Variants in FHIT observed in about 807,000 individuals in gnomAD.
FHIT encodes bis(5'-adenosyl)-triphosphatase.
A neutral mutation model predicts 17.9 loss-of-function variants in FHIT; 19 were observed. The ratio of observed to expected loss-of-function variants is 1.06; its 90% confidence interval spans 0.74 to 1.56. The LOEUF is 1.56. FHIT is among the 40% of genes most tolerant of loss of function. The probability of loss-of-function intolerance (pLI) is 0.00; values close to 1 mark genes in which losing one functional copy is unlikely to be tolerated. For synonymous variants in FHIT, 81 were observed against 69.7 expected (o/e 1.16, Z -0.81); for missense variants, 248 against 189.2 (o/e 1.31, Z -1.82).
chr3:61,093,091 T>C (rs1382613001), intron 2 of FHIT, among the ~76,000 whole-genome samples: 2 of 152,172 alleles, frequency 1.3e-5, no homozygotes, highest in African/African-American at 2.4e-5. Context: ...AACTTACTAA[T>C]CTGCCAAAAT....
intron 4 of FHIT, among the ~76,000 whole-genome samples, chr3:60,796,676 G>A (rs1231846385): frequency 1.3e-5 from 2 of 152,074 alleles, no homozygotes; most frequent in Non-Finnish European, 2.9e-5. Context: ...TCTGCTTCCT[G>A]GGTCAAGCAA....
intron 5 of FHIT, among the ~76,000 whole-genome samples, chr3:60,529,494 T>A (rs918021819): frequency 6.6e-6 from 1 of 152,110 alleles, no homozygotes; most frequent in African/African-American, 2.4e-5. Context: ...ATATTCTGCA[T>A]TATTTGAGTT....
chr3:61,118,977 G>C (rs1161391142), intron 2 of FHIT, among the ~76,000 whole-genome samples: 1 of 152,132 alleles, frequency 6.6e-6, no homozygotes, highest in African/African-American at 2.4e-5. Flanking sequence ...GGTGAATGAT[G>C]ATCAGGGAAG....
chr3:60,614,693 A>G (rs1375337968), intron 4 of FHIT, among the ~76,000 whole-genome samples: 1 of 152,168 alleles, frequency 6.6e-6, no homozygotes. Flanking sequence ...GATTGACAGC[A>G]TAGAAATTAT....
intron 5 of FHIT, among the ~76,000 whole-genome samples, chr3:60,051,023 C>T (rs975163510): frequency 6.6e-6 from 1 of 152,144 alleles, no homozygotes; most frequent in African/African-American, 2.4e-5. Context: ...CAGAGGGTTC[C>T]TATTCTAGAG....
At chr3:59,787,534 A>G (rs1356511562) in intron 8 of FHIT, among the ~76,000 whole-genome samples, 2 of 147,852 alleles carry the variant, frequency 1.4e-5, no homozygotes, top group African/African-American at 2.5e-5. Context: ...ACACACGTCA[A>G]AGGCTTCTCC....
At chr3:60,101,288 A>G (rs1704180301) in intron 5 of FHIT, among the ~76,000 whole-genome samples, 1 of 152,240 alleles carries the variant, frequency 6.6e-6, no homozygotes, top group African/African-American at 2.4e-5. Flanking sequence ...GGCACTGTAC[A>G]GATGGCCATG....
intron 3 of FHIT, among the ~76,000 whole-genome samples, chr3:60,864,939 C>T (rs1285875519): frequency 6.6e-6 from 1 of 152,060 alleles, no homozygotes; most frequent in Non-Finnish European, 1.5e-5. Context: ...CAGCTGTCTT[C>T]TATCTACAAA....
At chr3:61,245,871 C>T (rs2040476568) in intron 1 of FHIT, among the ~76,000 whole-genome samples, 1 of 152,046 alleles carries the variant, frequency 6.6e-6, no homozygotes, top group Admixed American at 6.6e-5. Flanking sequence ...TCAATAGGGG[C>T]TGAGTAAAAT....
chr3:61,207,407 C>T (rs1366323221), intron 1 of FHIT, among the ~76,000 whole-genome samples: 1 of 152,150 alleles, frequency 6.6e-6, no homozygotes, highest in East Asian at 1.9e-4. Flanking sequence ...CCAGCTCCTC[C>T]TTGTACCTCT....
At chr3:60,709,750 T>C (rs564402970) in intron 4 of FHIT, among the ~76,000 whole-genome samples, 66 of 152,290 alleles carry the variant, frequency 4.3e-4, no homozygotes, top group African/African-American at 1.5e-3. Flanking sequence ...AAGCTCATGG[T>C]GGCATATCCA....
chr3:60,225,006 C>A (rs1479457839), intron 5 of FHIT, among the ~76,000 whole-genome samples: 1 of 152,088 alleles, frequency 6.6e-6, no homozygotes, highest in Non-Finnish European at 1.5e-5. Flanking sequence ...CAGGAATGAG[C>A]CACCACGCCC....
rs975266036 is a variant in FHIT at position 61,035,656 on chromosome 3, A to G, written c.-111+6391T>C. Among the ~76,000 whole-genome samples the G allele has an allele frequency of 5.3e-5, 8 of 152,314 alleles. No individual in the cohort carries two copies. In the East Asian group the frequency reaches 1.2e-3, roughly 22 times the overall value. On this transcript the variant is annotated intron_variant, in intron 3 of 9. Transcript: ENST00000492590. ...ATTAGCTTGGCTTTAGCTTTCTCAT[A>G]TGTAAACTGAAAGGATTAGACTAAA...
Position 61,174,128 on chromosome 3 carries a change from A to G in FHIT, c.-164+26489T>C, listed in dbSNP as rs192222127. ...TGGAAACTGCAGGTGTTAGAAAGGT[A>G]CCAACATACATCTTCCCCCTATAGT... On this transcript the variant is annotated intron_variant, in intron 2 of 9. Coordinates refer to ENST00000492590, the MANE Select transcript of FHIT (RefSeq NM_002012.4). Among the ~76,000 whole-genome samples the G allele has an allele frequency of 1.6e-3, 239 of 152,342 alleles. 3 individuals carry two copies. The highest frequency in any genetic ancestry group is 2.5e-3 in the Non-Finnish European group (172 of 68,038).
chr3:59,896,970 T>C (rs1704099562), intron 8 of FHIT, among the ~76,000 whole-genome samples: 1 of 152,234 alleles, frequency 6.6e-6, no homozygotes, highest in South Asian at 2.1e-4. Flanking sequence ...TGGTAGCATG[T>C]AGAGTCAAGC....
intron 3 of FHIT, among the ~76,000 whole-genome samples, chr3:60,917,729 AC>A (rs1553767380): frequency 6.6e-6 from 1 of 152,198 alleles, no homozygotes; most frequent in Non-Finnish European, 1.5e-5. Context: ...CTAAAAAATA[AC>A]CCAAAACTCT....
At chr3:61,148,935 G>A (rs2037305343) in intron 2 of FHIT, among the ~76,000 whole-genome samples, 1 of 152,140 alleles carries the variant, frequency 6.6e-6, no homozygotes, top group Non-Finnish European at 1.5e-5. Context: ...ATGCCCCAGT[G>A]GGGACTGCTT....
intron 5 of FHIT, among the ~76,000 whole-genome samples, chr3:60,121,207 G>C (rs1031281458): frequency 1.3e-5 from 2 of 151,810 alleles, no homozygotes; most frequent in Non-Finnish European, 2.9e-5. Context: ...AGAAGCCTAT[G>C]TCCAACATTA....
intron 1 of FHIT, among the ~76,000 whole-genome samples, chr3:61,219,427 G>A (rs977049953): frequency 2.0e-5 from 3 of 151,874 alleles, no homozygotes; most frequent in Non-Finnish European, 4.4e-5. Context: ...TTGTTCCAGA[G>A]TATAGATATC....
Sources: allele counts gnomAD v4.1 joint callset (sites outside exome capture counted in the v4.1 genomes callset), GRCh38; gene constraint gnomAD v4.1.1; transcripts MANE v1.5; gene names NCBI Gene and HGNC (gene_info 2026-07-23, HGNC 2026-07-21).